The following DLGAP1 variants were observed in gnomAD, a reference collection of about 807,000 sequenced individuals.
DLGAP1 encodes DLG associated protein 1.
A neutral mutation model predicts 90.8 loss-of-function variants in DLGAP1; 11 were observed. That is an observed-to-expected ratio of 0.12 (90% CI 0.08 to 0.20). DLGAP1 has a LOEUF of 0.20. DLGAP1 is among the 10% of genes least tolerant of loss of function. The pLI, the probability that DLGAP1 is intolerant of heterozygous loss-of-function variation, is 1.00. For missense variants in DLGAP1, 1,050 were observed against 1,333.8 expected, an observed-to-expected ratio of 0.79 and a Z score of 3.31; for synonymous variants, 558 against 540.7, an observed-to-expected ratio of 1.03 and a Z score of -0.44.
intron 10 of DLGAP1, among the ~76,000 whole-genome samples, chr18:3,528,205 G>T (rs1184377269): frequency 6.6e-6 from 1 of 152,172 alleles, no homozygotes; most frequent in Admixed American, 6.5e-5. Flanking sequence ...GCTTGGCCAA[G>T]GGATAGAGGT....
intron 1 of DLGAP1, among the ~76,000 whole-genome samples, chr18:4,360,434 T>A (rs1192491447): frequency 6.6e-6 from 1 of 151,974 alleles, no homozygotes; most frequent in Non-Finnish European, 1.5e-5. Context: ...AGAAGAGAAA[T>A]GCGAATCAAA....
rs2069222836 is a variant in DLGAP1, at chr18:3,849,626, A to G, written c.957+29486T>C. Among the ~76,000 whole-genome samples, 8 of 152,146 alleles carry G rather than the reference A, an allele frequency of 5.3e-5. No individual in the cohort carries two copies. In the South Asian group the frequency reaches 1.5e-3, roughly 28 times the overall value. ...ATTGCAGACATTTCACTGCCAGAGA[A>G]CCAGGGCAGAGCTCCCAGAATAGTT... On this transcript the variant is annotated intron_variant, in intron 4 of 12. Transcript: ENST00000315677.
At chr18:4,198,628 GT>G (rs2077547397) in intron 1 of DLGAP1, among the ~76,000 whole-genome samples, 2 of 152,178 alleles carry the variant, frequency 1.3e-5, no homozygotes, top group South Asian at 2.1e-4. Context: ...GGATGAATGA[GT>G]TGGCAAGAAT....
chr18:3,948,062 A>G lies in DLGAP1; in HGVS notation c.-73+57054T>C, dbSNP rs189515748. On this transcript the variant is annotated intron_variant, in intron 3 of 12. Coordinates refer to ENST00000315677, the MANE Select transcript of DLGAP1 (RefSeq NM_004746.4). ...CCCCAAAATGGTAGGCTCAGGAAGC[A>G]AAGTACACTCCCATACATCCAATCT... Among the ~76,000 whole-genome samples, 36 of 152,320 alleles carry G rather than the reference A, an allele frequency of 2.4e-4. No homozygotes were observed. In the East Asian group the frequency reaches 6.4e-3, roughly 27 times the overall value.
chr18:3,951,882 CTGTGAGT>C (rs2072992894), intron 3 of DLGAP1, among the ~76,000 whole-genome samples: 1 of 152,166 alleles, frequency 6.6e-6, no homozygotes. Flanking sequence ...CCATGCAGAA[CTGTGAGT>C]CGATTAAACC....
chr18:4,324,249 G>A (rs1294632922), intron 1 of DLGAP1, among the ~76,000 whole-genome samples: 1 of 150,630 alleles, frequency 6.6e-6, no homozygotes, highest in African/African-American at 2.4e-5. Context: ...TTTATGCACA[G>A]CAACTAGAAA....
At chr18:3,903,289 A>G (rs560417879) in intron 3 of DLGAP1, among the ~76,000 whole-genome samples, 5 of 152,234 alleles carry the variant, frequency 3.3e-5, no homozygotes, top group Non-Finnish European at 7.3e-5. Flanking sequence ...GCTCACTGGG[A>G]ACATGAACGT....
chr18:3,597,653 C>T (rs2056659198), intron 7 of DLGAP1: 1 of 209,438 alleles, frequency 4.8e-6, no homozygotes, highest in Non-Finnish European at 9.6e-6. Flanking sequence ...TGCCACTGCC[C>T]TAGGAACAGA....
chr18:4,415,648 G>C (rs2082883368), intron 1 of DLGAP1, among the ~76,000 whole-genome samples: 1 of 152,084 alleles, frequency 6.6e-6, no homozygotes, highest in South Asian at 2.1e-4. Context: ...AAATGGTATA[G>C]GTTTTGCACT....
intron 1 of DLGAP1, among the ~76,000 whole-genome samples, chr18:4,223,045 G>A (rs1176921028): frequency 6.6e-6 from 1 of 152,096 alleles, no homozygotes; most frequent in Non-Finnish European, 1.5e-5. Context: ...CTTATGTCCA[G>A]GAGATTAAGA....
intron 2 of DLGAP1, among the ~76,000 whole-genome samples, chr18:4,044,058 T>C (rs1267168776): frequency 6.6e-6 from 1 of 152,214 alleles, no homozygotes; most frequent in Non-Finnish European, 1.5e-5. Flanking sequence ...TGTGTTTGCC[T>C]CTGGCAAACT....
chr18:3,788,624 C>T (rs139648343), intron 5 of DLGAP1, among the ~76,000 whole-genome samples: 194 of 152,238 alleles, frequency 1.3e-3, no homozygotes, highest in Non-Finnish European at 2.4e-3. Context: ...GGTCATTACA[C>T]GTTGGCAGGC....
At chr18:4,040,693 A>G (rs1251192868) in intron 2 of DLGAP1, among the ~76,000 whole-genome samples, 1 of 152,178 alleles carries the variant, frequency 6.6e-6, no homozygotes, top group African/African-American at 2.4e-5. Flanking sequence ...ATGGCAAATT[A>G]TTTAGGAGAT....
At chr18:4,236,105 A>C (rs2078409373) in intron 1 of DLGAP1, among the ~76,000 whole-genome samples, 1 of 152,136 alleles carries the variant, frequency 6.6e-6, no homozygotes, top group African/African-American at 2.4e-5. Flanking sequence ...TCAGCCACTT[A>C]GTTTTCTGAC....
chr18:3,742,013 T>C (rs1022279698), intron 6 of DLGAP1, among the ~76,000 whole-genome samples: 3 of 152,036 alleles, frequency 2.0e-5, no homozygotes, highest in African/African-American at 7.2e-5. Flanking sequence ...AGGCTTACAT[T>C]TGTATTTTTG....
At chr18:4,238,992 C>T (rs2145113838) in intron 1 of DLGAP1, among the ~76,000 whole-genome samples, 1 of 152,328 alleles carries the variant, frequency 6.6e-6, no homozygotes, top group African/African-American at 2.4e-5. Context: ...AGAACTATAA[C>T]TCAGATCATC....
chr18:4,339,526 C>T (rs2081144508), intron 1 of DLGAP1, among the ~76,000 whole-genome samples: 2 of 152,074 alleles, frequency 1.3e-5, no homozygotes, highest in Non-Finnish European at 2.9e-5. Context: ...ACAGTCTATA[C>T]AAACTGAGGC....
At chr18:3,926,445 C>CAT in intron 3 of DLGAP1, among the ~76,000 whole-genome samples, 2 of 149,514 alleles carry the variant, frequency 1.3e-5, no homozygotes, top group Non-Finnish European at 3.0e-5. Flanking sequence ...CACACACACA[C>CAT]ATGCATGTAT....
intron 1 of DLGAP1, among the ~76,000 whole-genome samples, chr18:4,206,188 G>A (rs1246738002): frequency 1.3e-5 from 2 of 152,064 alleles, no homozygotes; most frequent in Non-Finnish European, 2.9e-5. Flanking sequence ...GACTTAAAGA[G>A]GAGCTTTAAG....
Sources: gnomAD v4.1 joint callset for allele counts (sites outside exome capture counted in the v4.1 genomes callset) on GRCh38, gnomAD v4.1.1 for gene constraint, MANE v1.5 for transcripts, NCBI Gene and HGNC (gene_info 2026-07-23, HGNC 2026-07-21) for gene names.